The following GPHN variants were observed in gnomAD, a reference collection of about 807,000 sequenced individuals.
GPHN encodes the protein gephyrin.
In GPHN, 17 loss-of-function variants were observed where a neutral mutation model predicts 95.5. That is an observed-to-expected ratio of 0.18 (90% CI 0.12 to 0.27). GPHN has a LOEUF of 0.27. GPHN is among the 10% of genes least tolerant of loss of function. The pLI is 1.00. For missense variants in GPHN, 660 were observed against 978.1 expected, an observed-to-expected ratio of 0.67 and a Z score of 4.34; for synonymous variants, 320 against 322.5, an observed-to-expected ratio of 0.99 and a Z score of 0.08.
intron 3 of GPHN, among the ~76,000 whole-genome samples, chr14:66,812,860 A>G (rs2060816705): frequency 6.6e-6 from 1 of 152,214 alleles, no homozygotes; most frequent in African/African-American, 2.4e-5. Flanking sequence ...GCATGTTGAA[A>G]TTATATGTAG....
At position 66,964,230 on chromosome 14, in the gene GPHN, G is replaced by A. The variant is rs546839312; in HGVS notation, c.829-961G>A. ...TATGTTGATAAGTATAATAATAACA[G>A]TAATAATAACCAACACATTAAATAT... On this transcript the variant is annotated intron_variant, in intron 8 of 22. Transcript: ENST00000478722. 1.8e-3 allele frequency among the ~76,000 whole-genome samples: 274 copies of A among 152,040 alleles called. 4 individuals are homozygous for A. The highest frequency in any genetic ancestry group is 0.01 in the Middle Eastern group (3 of 294).
intron 1 of GPHN, among the ~76,000 whole-genome samples, chr14:66,567,729 A>G (rs1450756479): frequency 6.6e-6 from 1 of 152,166 alleles, no homozygotes; most frequent in Non-Finnish European, 1.5e-5. Context: ...TTACTGATAT[A>G]TGCTCCACTC....
chr14:67,148,856 G>C (rs917926638), intron 18 of GPHN, among the ~76,000 whole-genome samples: 1 of 151,428 alleles, frequency 6.6e-6, no homozygotes, highest in African/African-American at 2.4e-5. Context: ...GTGAGCCACC[G>C]CGCCCGGCCA....
At chr14:67,127,027 A>G (rs1265630411) in intron 17 of GPHN, among the ~76,000 whole-genome samples, 1 of 148,778 alleles carries the variant, frequency 6.7e-6, no homozygotes, top group South Asian at 2.2e-4. Context: ...GTTCTCACTC[A>G]TAGGTGGGAA....
the GPHN span, among the ~76,000 whole-genome samples, chr14:67,500,431 C>T: frequency 8.5e-5 from 13 of 152,056 alleles, no homozygotes; most frequent in African/African-American, 2.7e-4. Context: ...GCTGAGCTCT[C>T]ACCATTGCAC....
chr14:67,395,310 C>G, the GPHN span: 2 of 1,102,222 alleles, frequency 1.8e-6, no homozygotes, highest in Non-Finnish European at 1.3e-6. Flanking sequence ...GACTGTGCAG[C>G]AAGCACAGAG....
At chr14:67,330,141 T>C in the GPHN span, among the ~76,000 whole-genome samples, 10 of 143,226 alleles carry the variant, frequency 7.0e-5, no homozygotes, top group African/African-American at 2.1e-4. Flanking sequence ...AGGAAATAAA[T>C]AATAATAATA....
the GPHN span, chr14:67,317,424 A>C: frequency 6.2e-7 from 1 of 1,612,306 alleles, no homozygotes; most frequent in Non-Finnish European, 8.5e-7. Flanking sequence ...TGTGGTGTGC[A>C]AAGAAGAATA....
the GPHN span, chr14:67,295,000 A>T: frequency 6.6e-6 from 1 of 152,112 alleles, no homozygotes; most frequent in Non-Finnish European, 1.5e-5. Context: ...TTTATAAAGA[A>T]AATTTAGAAC....
chr14:67,208,781 C>A, the GPHN span, among the ~76,000 whole-genome samples: 1 of 151,652 alleles, frequency 6.6e-6, no homozygotes, highest in Admixed American at 6.6e-5. Flanking sequence ...CCTGTAATCC[C>A]AGCTACTCGG....
chr14:67,109,015 G>A (rs1164499732), intron 13 of GPHN, among the ~76,000 whole-genome samples: 3 of 152,036 alleles, frequency 2.0e-5, no homozygotes, highest in East Asian at 3.9e-4. Context: ...TGCATGAGTA[G>A]CCCACTACAC....
the GPHN span, among the ~76,000 whole-genome samples, chr14:67,289,799 G>GTC: frequency 0.3 from 39,874 of 134,132 alleles, 9,645 homozygotes; most frequent in African/African-American, 0.65. Context: ...TTGAGACGGA[G>GTC]TCTCTCTGTC....
At position 66,559,484 on chromosome 14, in the gene GPHN, G is replaced by A. The variant is rs528363587; in HGVS notation, c.64+50893G>A. On this transcript the variant is annotated intron_variant, in intron 1 of 22. Transcript: ENST00000478722. ...TGGTTTTGATTTGCATTTCTCTGAT[G>A]GTCAGTGATGATGAGCATTTTTTCA... 1.5e-4 allele frequency among the ~76,000 whole-genome samples: 23 copies of A among 148,894 alleles called. No homozygotes were observed. The South Asian group carries it at 3.9e-3, about 25-fold the overall frequency.
chr14:66,782,156 A>G (rs2059628582), intron 3 of GPHN, among the ~76,000 whole-genome samples: 1 of 152,158 alleles, frequency 6.6e-6, no homozygotes, highest in South Asian at 2.1e-4. Flanking sequence ...TTAATGAAAA[A>G]GTCCATTTTT....
chr14:67,332,056 A>T, the GPHN span, among the ~76,000 whole-genome samples: 1 of 152,188 alleles, frequency 6.6e-6, no homozygotes, highest in Non-Finnish European at 1.5e-5. Flanking sequence ...TATGGGTCCA[A>T]TATAGTATTG....
At chr14:67,562,094 G>C in the GPHN span, 8 of 1,601,220 alleles carry the variant, frequency 5.0e-6, no homozygotes, top group East Asian at 2.2e-5. Flanking sequence ...ATGGGGCTGA[G>C]CTACGGGAGC....
chr14:67,662,690 G>C, the GPHN span, among the ~76,000 whole-genome samples: 1 of 152,142 alleles, frequency 6.6e-6, no homozygotes, highest in Non-Finnish European at 1.5e-5. Context: ...TGGATCACAA[G>C]GTCAGGAGTT....
the GPHN span, chr14:67,388,367 C>T: frequency 2.1e-6 from 2 of 952,262 alleles, no homozygotes; most frequent in South Asian, 1.3e-5. Context: ...TTGCACTCCC[C>T]TTACAACTCA....
chr14:67,519,740 T>G, the GPHN span, among the ~76,000 whole-genome samples: 1 of 151,866 alleles, frequency 6.6e-6, no homozygotes, highest in Non-Finnish European at 1.5e-5. Context: ...ACTTTTTTTT[T>G]GAGACAGGTT....
Sources: gnomAD v4.1 joint callset for allele counts (sites outside exome capture counted in the v4.1 genomes callset) on GRCh38, gnomAD v4.1.1 for gene constraint, MANE v1.5 for transcripts, NCBI Gene and HGNC (gene_info 2026-07-23, HGNC 2026-07-21) for gene names.